The following SNAP25 variants were observed in gnomAD, a reference collection of about 807,000 sequenced individuals.
SNAP25 encodes synaptosomal-associated protein 25.
Under a neutral mutation model 28.7 loss-of-function variants are expected in SNAP25, and 3 were observed. That is an observed-to-expected ratio of 0.10 (90% CI 0.05 to 0.27). The LOEUF is 0.27. Among genes scored for constraint, SNAP25 ranks in the 10% least tolerant of loss-of-function variants. The pLI is 1.00. For missense variants in SNAP25, 117 were observed against 278.7 expected, an observed-to-expected ratio of 0.42 and a Z score of 4.13; for synonymous variants, 61 against 88.1, an observed-to-expected ratio of 0.69 and a Z score of 1.72.
rs2063469418 is a variant in SNAP25, at chr20:10,264,288, T to C, written c.-63-11141T>C. ...ACTTCCCTTCTCAGAAGAAACCAGA[T>C]CAAGACTGTGCCTATTTATATCCAG... On this transcript the variant is annotated intron_variant, in intron 1 of 7. Coordinates refer to ENST00000254976, the MANE Select transcript of SNAP25 (RefSeq NM_130811.4). Among the ~76,000 whole-genome samples, 6 of 152,074 alleles carry C rather than the reference T, an allele frequency of 3.9e-5. No homozygotes were observed. In the South Asian group the frequency reaches 8.3e-4, roughly 21 times the overall value.
intron 1 of SNAP25, among the ~76,000 whole-genome samples, chr20:10,248,392 G>A (rs746360948): frequency 3.9e-5 from 6 of 152,056 alleles, no homozygotes; most frequent in Non-Finnish European, 7.4e-5. Flanking sequence ...AGAAAAATAG[G>A]CCAAGAGGAA....
intron 4 of SNAP25, among the ~76,000 whole-genome samples, chr20:10,285,133 A>G (rs1367694669): frequency 1.3e-5 from 2 of 152,206 alleles, no homozygotes; most frequent in African/African-American, 4.8e-5. Context: ...ATTTTCTTCT[A>G]ACAATACGTA....
chr20:10,256,824 ATAAATCT>A (rs1426061861), intron 1 of SNAP25, among the ~76,000 whole-genome samples: 1 of 152,210 alleles, frequency 6.6e-6, no homozygotes, highest in Non-Finnish European at 1.5e-5. Flanking sequence ...GATTAGCCAA[ATAAATCT>A]TAATATGTTA....
chr20:10,282,115 T>C (rs149013935), intron 3 of SNAP25, among the ~76,000 whole-genome samples: 1 of 138,160 alleles, frequency 7.2e-6, no homozygotes, highest in Non-Finnish European at 1.5e-5. Flanking sequence ...TAGAGCAGAG[T>C]AGAGGCTCAA....
chr20:10,300,517 T>C (rs1198949787), intron 7 of SNAP25, among the ~76,000 whole-genome samples: 1 of 152,220 alleles, frequency 6.6e-6, no homozygotes, highest in Non-Finnish European at 1.5e-5. Flanking sequence ...CTAAATTTTC[T>C]TATAATAATT....
At chr20:10,302,112 G>C (rs2064254046) in intron 7 of SNAP25, among the ~76,000 whole-genome samples, 1 of 151,966 alleles carries the variant, frequency 6.6e-6, no homozygotes, top group African/African-American at 2.4e-5. Context: ...TGCAGTCCCA[G>C]CTACTCCAGA....
chr20:10,271,730 G>C (rs910280205), intron 1 of SNAP25, among the ~76,000 whole-genome samples: 11 of 152,118 alleles, frequency 7.2e-5, no homozygotes, highest in African/African-American at 2.7e-4. Flanking sequence ...GAGAGAGGGA[G>C]AGCGAGAGAG....
At chr20:10,241,826 G>A (rs1009324473) in intron 1 of SNAP25, among the ~76,000 whole-genome samples, 22 of 152,168 alleles carry the variant, frequency 1.4e-4, no homozygotes, top group African/African-American at 4.8e-4. Context: ...GGGCCTGCCA[G>A]CCTGCAGAGG....
intron 1 of SNAP25, among the ~76,000 whole-genome samples, chr20:10,251,908 TAG>T (rs1471999509): frequency 6.6e-6 from 1 of 152,212 alleles, no homozygotes; most frequent in African/African-American, 2.4e-5. Flanking sequence ...AACAGGAACC[TAG>T]AGAGACTTGA....
intron 1 of SNAP25, among the ~76,000 whole-genome samples, chr20:10,260,186 T>C (rs1358196498): frequency 6.6e-6 from 1 of 152,190 alleles, no homozygotes; most frequent in East Asian, 1.9e-4. Context: ...TTTTAATAGA[T>C]GTAGTTAAAG....
intron 1 of SNAP25, among the ~76,000 whole-genome samples, chr20:10,245,128 C>T (rs1166532575): frequency 2.0e-5 from 3 of 152,264 alleles, no homozygotes; most frequent in African/African-American, 7.2e-5. Flanking sequence ...TGCTAAGGAA[C>T]CTCCCAGTCT....
chr20:10,290,528 A>T (rs2063973641), intron 4 of SNAP25, among the ~76,000 whole-genome samples: 1 of 151,976 alleles, frequency 6.6e-6, no homozygotes, highest in Non-Finnish European at 1.5e-5. Flanking sequence ...TTTAATATCA[A>T]TTATCTAATT....
chr20:10,290,607 A>T (rs1319848460), intron 4 of SNAP25, among the ~76,000 whole-genome samples: 1 of 151,662 alleles, frequency 6.6e-6, no homozygotes, highest in Non-Finnish European at 1.5e-5. Flanking sequence ...AGCACAGTGG[A>T]TGGGTCCCTA....
intron 1 of SNAP25, among the ~76,000 whole-genome samples, chr20:10,253,819 C>G (rs2063271852): frequency 1.3e-5 from 2 of 152,142 alleles, no homozygotes; most frequent in African/African-American, 4.8e-5. Flanking sequence ...ATTTTGTGAT[C>G]TACATGTCAC....
intron 3 of SNAP25, among the ~76,000 whole-genome samples, chr20:10,280,677 C>T (rs1376577057): frequency 1.3e-5 from 2 of 152,150 alleles, no homozygotes; most frequent in Non-Finnish European, 2.9e-5. Context: ...ATGCCTTGGG[C>T]TATGTAAATT....
chr20:10,263,011 T>C (rs1488550958), intron 1 of SNAP25, among the ~76,000 whole-genome samples: 2 of 28,206 alleles, frequency 7.1e-5, no homozygotes, highest in African/African-American at 3.5e-4. Context: ...GGGGTGCTCT[T>C]TTTTTTTTTT....
At chr20:10,284,374 A>G (rs1367190748) in intron 3 of SNAP25, among the ~76,000 whole-genome samples, 2 of 152,174 alleles carry the variant, frequency 1.3e-5, no homozygotes, top group Admixed American at 1.3e-4. Flanking sequence ...GCTTTCTGTG[A>G]TTGGTGTTAT....
chr20:10,272,667 T>A (rs1235146994), intron 1 of SNAP25, among the ~76,000 whole-genome samples: 1 of 152,210 alleles, frequency 6.6e-6, no homozygotes, highest in Non-Finnish European at 1.5e-5. Context: ...CACGAGCACA[T>A]GTTCTAGTGG....
intron 1 of SNAP25, among the ~76,000 whole-genome samples, chr20:10,238,074 C>T (rs935824767): frequency 2.6e-5 from 4 of 152,302 alleles, no homozygotes; most frequent in South Asian, 4.1e-4. Flanking sequence ...ACCCTAGGGG[C>T]TGGGATCACT....
Sources: gnomAD v4.1 joint callset for allele counts (sites outside exome capture counted in the v4.1 genomes callset) on GRCh38, gnomAD v4.1.1 for gene constraint, MANE v1.5 for transcripts, NCBI Gene and HGNC (gene_info 2026-07-23, HGNC 2026-07-21) for gene names.